Variants in TNFRSF10C observed in about 807,000 individuals in gnomAD.
TNFRSF10C encodes the protein TNF receptor superfamily member 10c, also known as tumor necrosis factor receptor superfamily member 10C.
Under a neutral mutation model 16.7 loss-of-function variants are expected in TNFRSF10C, and 17 were observed. The observed-to-expected ratio is 1.02, with a 90% CI of 0.70 to 1.53. TNFRSF10C has a LOEUF of 1.53. Ranked by LOEUF, TNFRSF10C falls within the 40% of genes most tolerant of loss-of-function variation. The pLI, the probability that TNFRSF10C is intolerant of heterozygous loss-of-function variation, is 0.00. For synonymous variants in TNFRSF10C, 73 were observed against 119.7 expected, an observed-to-expected ratio of 0.61 and a Z score of 2.55; for missense variants, 237 against 329.7, an observed-to-expected ratio of 0.72 and a Z score of 2.18.
Position 23,111,713 on chromosome 8 carries a change from C to T in TNFRSF10C, c.61-7C>T, listed in dbSNP as rs755953492. On this transcript the variant is annotated splice_region_variant and splice_polypyrimidine_tract_variant and intron_variant, in intron 1 of 4. Coordinates refer to ENST00000356864, the MANE Select transcript of TNFRSF10C (RefSeq NM_003841.5). ...CACTCACACCCATCACTCCTTTGTCCCCACAGGTCCTAGCTTACTCTGCCA... is the reference window on the plus strand; with the variant it reads ...CACTCACACCCATCACTCCTTTGTCTCCACAGGTCCTAGCTTACTCTGCCA... The T allele has an allele frequency of 1.2e-6, 2 of 1,612,774 alleles. No individual in the cohort carries two copies. The highest frequency in any genetic ancestry group is 1.3e-5 in the African/African-American group (1 of 74,638).
chr8:23,110,985 A>G (rs983456734), intron 1 of TNFRSF10C, among the ~76,000 whole-genome samples: 1 of 152,214 alleles, frequency 6.6e-6, no homozygotes, highest in Non-Finnish European at 1.5e-5. Context: ...TGTGCCTCTT[A>G]TCCACATTTC....
At chr8:23,112,892 A>T (rs530505889) in intron 2 of TNFRSF10C, among the ~76,000 whole-genome samples, 1 of 151,948 alleles carries the variant, frequency 6.6e-6, no homozygotes, top group South Asian at 2.1e-4. Flanking sequence ...AGGAACCTCC[A>T]TACTGTTTTC....
At chr8:23,110,069 CA>C (rs56263402) in intron 1 of TNFRSF10C, among the ~76,000 whole-genome samples, 23 of 39,650 alleles carry the variant, frequency 5.8e-4, no homozygotes, top group Admixed American at 2.6e-3. Flanking sequence ...ACCCTGTCTC[CA>C]AAAAAAAAAA....
At chr8:23,112,182 G>GCAGTAT (rs1813891018) in intron 2 of TNFRSF10C, among the ~76,000 whole-genome samples, 1 of 152,164 alleles carries the variant, frequency 6.6e-6, no homozygotes, top group Admixed American at 6.5e-5. Context: ...AAAAAGCAAT[G>GCAGTAT]CAGTATAGCA....
In TNFRSF10C at chr8:23,102,971, T is replaced by A; in HGVS notation, c.-151T>A. 6 of 1,523,018 alleles carry A rather than the reference T, an allele frequency of 3.9e-6. No individual in the cohort carries two copies. The South Asian group carries it at 7.3e-5, about 18-fold the overall frequency. 94.3% of individuals were successfully genotyped at this position (1,523,018 alleles called of 1,614,324 possible). On this transcript the variant is annotated 5_prime_UTR_variant, in exon 1 of 5. Coordinates refer to ENST00000356864, the MANE Select transcript of TNFRSF10C (RefSeq NM_003841.5). ...CACGCGCACGAACTCAGCCAACGAT[T>A]TCTGATAGATTTTTGGGAGTTTGAC...
intron 1 of TNFRSF10C, among the ~76,000 whole-genome samples, chr8:23,105,006 C>T (rs12546235): frequency 0.099 from 15,106 of 152,176 alleles, 1,088 homozygotes; most frequent in East Asian, 0.32. Context: ...CAGTTCCTGA[C>T]CCCAGGTCCT....
intron 1 of TNFRSF10C, among the ~76,000 whole-genome samples, chr8:23,104,949 C>T (rs1275612185): frequency 6.6e-6 from 1 of 152,144 alleles, no homozygotes. Context: ...ATAAGGTCTC[C>T]ATCCTCAGCC....
chr8:23,109,612 G>A (rs774566570), intron 1 of TNFRSF10C, among the ~76,000 whole-genome samples: 1 of 148,762 alleles, frequency 6.7e-6, no homozygotes, highest in Non-Finnish European at 1.5e-5. Context: ...ACTCCGGCCT[G>A]GGAGACAGCG....
rs1814013003 is a variant in TNFRSF10C, at chr8:23,117,389, G to C, written c.*358G>C. 7.7e-6 allele frequency: 3 copies of C among 388,552 alleles called. No individual in the cohort carries two copies. The highest frequency in any genetic ancestry group is 4.3e-5 in the Admixed American group (1 of 23,514). 24.1% of individuals were successfully genotyped at this position (388,552 alleles called of 1,614,324 possible). A position where few individuals can be genotyped will look rare whatever the true frequency, so the allele number is the denominator to read the frequency against. On this transcript the variant is annotated 3_prime_UTR_variant, in exon 5 of 5. Coordinates refer to ENST00000356864, the MANE Select transcript of TNFRSF10C (RefSeq NM_003841.5). ...GGCTCCTCAACTGGGTGACAAGGGT[G>C]AGGATGAGAAGTGGTCACGGGATTT...
intron 1 of TNFRSF10C, among the ~76,000 whole-genome samples, chr8:23,110,613 T>C (rs771737185): frequency 2.0e-5 from 3 of 152,240 alleles, no homozygotes; most frequent in Non-Finnish European, 4.4e-5. Flanking sequence ...ATTTATAACA[T>C]AGAGATCATG....
chr8:23,103,008 G>A lies in TNFRSF10C; in HGVS notation c.-114G>A, dbSNP rs748771783. 2 of 1,547,150 alleles carry A rather than the reference G, an allele frequency of 1.3e-6. No homozygotes were observed. Among genetic ancestry groups the A allele is most frequent in the Admixed American group, 4.0e-5 (2 of 50,546 alleles). On this transcript the variant is annotated 5_prime_UTR_variant, in exon 1 of 5. Coordinates refer to ENST00000356864, the MANE Select transcript of TNFRSF10C (RefSeq NM_003841.5). ...TTTGGGAGTTTGACCAGAGATGCAA[G>A]GGGTGAAGGAGCGCTTCCTACCGTT... is the stretch of plus-strand genomic sequence containing the variant.
chr8:23,106,046 G>A lies in TNFRSF10C; in HGVS notation c.60+2865G>A, dbSNP rs73671011. On this transcript the variant is annotated intron_variant, in intron 1 of 4. Transcript: ENST00000356864. Reference sequence around the variant, plus strand: ...GGCCTTGAGCTGAGGCCACAACTGCGCGCACTTCATAGGCTTGAGGGGAAA... The same window carrying A: ...GGCCTTGAGCTGAGGCCACAACTGCACGCACTTCATAGGCTTGAGGGGAAA... Among the ~76,000 whole-genome samples, 620 of 152,266 alleles carry A rather than the reference G, an allele frequency of 4.1e-3. 4 individuals carry two copies. The highest frequency in any genetic ancestry group is 0.014 in the African/African-American group (590 of 41,556).
chr8:23,117,065 C>G lies in TNFRSF10C; in HGVS notation c.*34C>G. 6.2e-7 allele frequency: 1 copy of G among 1,604,654 alleles called. No individual in the cohort carries two copies. The highest frequency in any genetic ancestry group is 2.2e-5 in the East Asian group (1 of 44,838). On this transcript the variant is annotated 3_prime_UTR_variant, in exon 5 of 5. Coordinates refer to ENST00000356864, the MANE Select transcript of TNFRSF10C (RefSeq NM_003841.5). ...ACTGTGGAAGAAATTCCTTCCTTAC[C>G]TGAAAGGTTCAGGTAGGCGCTGGCT... is the stretch of plus-strand genomic sequence containing the variant.
At chr8:23,104,921 C>G (rs920098970) in intron 1 of TNFRSF10C, among the ~76,000 whole-genome samples, 1 of 152,168 alleles carries the variant, frequency 6.6e-6, no homozygotes, top group East Asian at 1.9e-4. Context: ...CTGCCACCCA[C>G]CATGCCTGTG....
At chr8:23,110,621 A>G (rs1392153226) in intron 1 of TNFRSF10C, among the ~76,000 whole-genome samples, 1 of 152,224 alleles carries the variant, frequency 6.6e-6, no homozygotes, top group East Asian at 1.9e-4. Flanking sequence ...CATAGAGATC[A>G]TGGCCAGAAT....
chr8:23,109,581 G>A (rs1813842112), intron 1 of TNFRSF10C, among the ~76,000 whole-genome samples: 1 of 151,614 alleles, frequency 6.6e-6, no homozygotes, highest in East Asian at 1.9e-4. Context: ...AGCTTGCAGT[G>A]AGCCGAGATT....
In TNFRSF10C at chr8:23,114,730, C is replaced by A. The variant is rs763286890; in HGVS notation, c.240C>A (p.Asn80Lys). The A allele has an allele frequency of 3.7e-6, 6 of 1,614,092 alleles. No individual in the cohort carries two copies. Among genetic ancestry groups the A allele is most frequent in the Non-Finnish European group, 5.1e-6 (6 of 1,179,976 alleles). Residue 80 changes from asparagine to lysine, a missense_variant, in exon 3 of 5, where the codon AAC becomes AAA. Asn to Lys is a moderately conservative substitution (Grantham distance 94). Coordinates refer to ENST00000356864, the MANE Select transcript of TNFRSF10C (RefSeq NM_003841.5). The stretch of plus-strand genomic sequence containing the variant: ...GTGTGGATTACACCAACGCTTCCAA[C>A]AATGAACCTTCTTGCTTCCCATGTA... Reference protein sequence around the residue: ...TEGVDYTNASNNEPSCFPCTV... With the variant: ...TEGVDYTNASKNEPSCFPCTV...
chr8:23,110,069 C>CAAAAAAAAAAAAAAAAAAAAAA lies in TNFRSF10C; in HGVS notation c.61-1646_61-1625dup, dbSNP rs56263402. On this transcript the variant is annotated intron_variant, in intron 1 of 4. Transcript: ENST00000356864. ...GGAGGACAGAGGGAGACCCTGTCTC[C>CAAAAAAAAAAAAAAAAAAAAAA]AAAAAAAAAAAAAAAAAAAAAAAAA... is the stretch of plus-strand genomic sequence containing the variant. Among the ~76,000 whole-genome samples, 14 of 39,644 alleles carry CAAAAAAAAAAAAAAAAAAAAAA rather than the reference C, an allele frequency of 3.5e-4. 4 individuals are homozygous for CAAAAAAAAAAAAAAAAAAAAAA. The highest frequency in any genetic ancestry group is 1.9e-3 in the South Asian group (1 of 514). The allele number at this position is 39,644 out of a possible 152,430, so 26.0% of individuals were successfully genotyped here.
Position 23,117,113 on chromosome 8 carries a change from T to G in TNFRSF10C, c.*82T>G. The G allele has an allele frequency of 6.5e-7, 1 of 1,548,118 alleles. No individual in the cohort carries two copies. Reference sequence around the variant, plus strand: ...GCTGAGGGCGGGGGGCGCTGGACACTCTCTGCCCTGCCTCCCTCTGCTGTG... The same window carrying G: ...GCTGAGGGCGGGGGGCGCTGGACACGCTCTGCCCTGCCTCCCTCTGCTGTG... On this transcript the variant is annotated 3_prime_UTR_variant, in exon 5 of 5. Transcript: ENST00000356864.
Sources: allele counts gnomAD v4.1 joint callset (sites outside exome capture counted in the v4.1 genomes callset), GRCh38; gene constraint gnomAD v4.1.1; transcripts MANE v1.5; gene names NCBI Gene and HGNC (gene_info 2026-07-23, HGNC 2026-07-21).